The following ZNF888 variants were observed in gnomAD, a reference collection of about 807,000 sequenced individuals.
The protein encoded by ZNF888 is zinc finger protein 888.
Under a neutral mutation model 7.2 loss-of-function variants are expected in ZNF888, and 5 were observed. The observed-to-expected ratio is 0.70, with a 90% CI of 0.36 to 1.46. The LOEUF (loss-of-function observed/expected upper bound fraction) is 1.46, where lower values mean the gene tolerates loss of function less well. Among genes scored for constraint, ZNF888 ranks in the 40% most tolerant of loss-of-function variants. The pLI is 0.03. For synonymous variants in ZNF888, 240 were observed against 284.3 expected, an observed-to-expected ratio of 0.84 and a Z score of 1.57; for missense variants, 716 against 858.0, an observed-to-expected ratio of 0.83 and a Z score of 2.07.
chr19:52,912,490 C>G (rs1344616830), intron 4 of ZNF888, among the ~76,000 whole-genome samples: 5 of 145,954 alleles, frequency 3.4e-5, no homozygotes, highest in Admixed American at 7.0e-5. Context: ...TTTTGGGAGG[C>G]TGAGGTGGGA....
At chr19:52,915,453 C>T (rs7248531) in intron 3 of ZNF888, 131 bp from the exon 4 acceptor site, 309,672 of 1,589,466 alleles carry the variant, frequency 0.19, 29,398 homozygotes, top group Admixed American at 0.45. Flanking sequence ...GTAAGGGATT[C>T]TTCACCACAT....
chr19:52,912,467 A>C (rs1308985702), intron 4 of ZNF888, among the ~76,000 whole-genome samples: 1 of 150,262 alleles, frequency 6.7e-6, no homozygotes. Context: ...GTCTCATGCC[A>C]GTAATCCCAG....
rs1352689243 is a variant in ZNF888, at chr19:52,917,862, A to C, written c.12T>G (p.Pro4=). The C allele has an allele frequency of 6.2e-7, 1 of 1,613,252 alleles. No individual in the cohort carries two copies. The highest frequency in any genetic ancestry group is 8.5e-7 in the Non-Finnish European group (1 of 1,180,008). The change falls in exon 3 of 5, where the codon CCT becomes CCG. Residue 4 remains proline, a synonymous_variant. Transcript: ENST00000638862. ...TCCACAGAGAATATCATCTCACCTG[A>C]GGAAGAGCCATCCCTGACTCCTTTG... is the stretch of plus-strand genomic sequence containing the variant. MAL[P]QGLLTFRDVA...
chr19:52,921,184 G>A (rs894212339), intron 1 of ZNF888, among the ~76,000 whole-genome samples: 35 of 152,234 alleles, frequency 2.3e-4, no homozygotes, highest in African/African-American at 6.3e-4. Flanking sequence ...TGATATCTGG[G>A]AAAAGAGAAA....
At chr19:52,911,093 T>C (rs2064672249) in intron 4 of ZNF888, among the ~76,000 whole-genome samples, 1 of 152,088 alleles carries the variant, frequency 6.6e-6, no homozygotes, top group South Asian at 2.1e-4. Context: ...TGGCCAGGCT[T>C]GTCTCGAACT....
At chr19:52,917,721 G>A in intron 3 of ZNF888, 138 bp downstream of exon 3, 1 of 1,470,852 alleles carries the variant, frequency 6.8e-7, no homozygotes, top group South Asian at 1.1e-5. Flanking sequence ...GAGATGAGAG[G>A]GACTGAGGGA....
intron 3 of ZNF888, among the ~76,000 whole-genome samples, chr19:52,916,554 GTA>G (rs1447880991): frequency 6.8e-6 from 1 of 147,008 alleles, no homozygotes; most frequent in Admixed American, 6.8e-5. Context: ...GGGGATGTGT[GTA>G]TATATATTAT....
intron 4 of ZNF888, among the ~76,000 whole-genome samples, chr19:52,911,341 TC>T (rs1251455450): frequency 2.4e-5 from 3 of 122,752 alleles, no homozygotes; most frequent in African/African-American, 8.8e-5. Context: ...TGTTTTCTTT[TC>T]TTTTTTTTTT....
At position 52,907,952 on chromosome 19, in the gene ZNF888, G is replaced by A. The variant is rs1330734307; in HGVS notation, c.370C>T (p.Gln124Ter). 6.2e-7 allele frequency: 1 copy of A among 1,613,954 alleles called. No homozygotes were observed. Among genetic ancestry groups the A allele is most frequent in the Non-Finnish European group, 8.5e-7 (1 of 1,180,022 alleles). The change falls in exon 5 of 5, where the codon CAA (glutamine) becomes TAA (stop). Residue 124 changes from glutamine (Q) to a stop codon, truncating the protein, a stop_gained. Transcript: ENST00000638862. LOFTEE classifies it low-confidence loss of function (END_TRUNC). ...EIKELTGSTDQYDQRHAGNKP... is the reference protein window; with the variant it reads ...EIKELTGSTD ...TTTCCAGCATGCCTTTGATCATATT[G>A]GTCTGTACTACCCGTCAACTCTTTG...
Position 52,918,009 on chromosome 19 carries a change from C to A in ZNF888, c.-58-78G>T, listed in dbSNP as rs1482176615. ...AACATACCCCCTCCCTGTAAAACAA[C>A]GACACATACAAAGGAGACCTCACCC... is the stretch of plus-strand genomic sequence containing the variant. On this transcript the variant is annotated intron_variant, in intron 2 of 4. Coordinates refer to ENST00000638862, the MANE Select transcript of ZNF888 (RefSeq NM_001393938.1). 3 of 1,540,758 alleles carry A rather than the reference C, an allele frequency of 1.9e-6. No homozygotes were observed. The East Asian group carries it at 6.9e-5, about 35-fold the overall frequency.
chr19:52,906,019 T>C lies in ZNF888; in HGVS notation c.*146A>G. 1 of 1,209,150 alleles carries C rather than the reference T, an allele frequency of 8.3e-7. No homozygotes were observed. Among genetic ancestry groups the C allele is most frequent in the African/African-American group, 1.5e-5 (1 of 67,970 alleles). The allele number at this position is 1,209,150 out of a possible 1,614,324, so 74.9% of individuals were successfully genotyped here. ...ACATTTGTAAGGTTTCTCTCCAGTA[T>C]GAGTTCACCCATGAACTACAGCGTA... On this transcript the variant is annotated 3_prime_UTR_variant, in exon 5 of 5. Coordinates refer to ENST00000638862, the MANE Select transcript of ZNF888 (RefSeq NM_001393938.1).
At chr19:52,909,820 A>G (rs1441371886) in intron 4 of ZNF888, among the ~76,000 whole-genome samples, 2 of 152,096 alleles carry the variant, frequency 1.3e-5, no homozygotes, top group Non-Finnish European at 2.9e-5. Flanking sequence ...TAAGATCACT[A>G]CCTTCTAATA....
chr19:52,922,993 A>G (rs2064839976), intron 1 of ZNF888, among the ~76,000 whole-genome samples: 1 of 152,010 alleles, frequency 6.6e-6, no homozygotes, highest in Non-Finnish European at 1.5e-5. Context: ...CCTCCCTGGG[A>G]CTGTGGTGTC....
chr19:52,921,667 G>A, intron 1 of ZNF888: 1 of 984,644 alleles, frequency 1.0e-6, no homozygotes, highest in Non-Finnish European at 1.2e-6. Context: ...TAAACACACA[G>A]CTATTGACCT....
intron 2 of ZNF888, 181 bp from the exon 3 acceptor site, chr19:52,918,112 G>A: frequency 7.1e-7 from 1 of 1,400,380 alleles, no homozygotes; most frequent in Non-Finnish European, 9.3e-7. Context: ...CTCCCCTTCT[G>A]GAGAAGCCCA....
rs938729704 is a variant in ZNF888, at chr19:52,914,244, A to G, written c.142+952T>C. The G allele has an allele frequency of 2.5e-5, 14 of 552,476 alleles. No homozygotes were observed. In the African/African-American group the frequency reaches 2.6e-4, roughly 10 times the overall value. 34.2% of individuals were successfully genotyped at this position (552,476 alleles called of 1,614,324 possible). A position where few individuals can be genotyped will look rare whatever the true frequency, so the allele number is the denominator to read the frequency against. ...CCACTTGCAGAGAGTTTCCCCACAC[A>G]CTATTTGAAGGTGGAGCTTCCACTC... On this transcript the variant is annotated intron_variant, in intron 4 of 4. Transcript: ENST00000638862.
chr19:52,908,812 C>CT, intron 4 of ZNF888, among the ~76,000 whole-genome samples: 1 of 140,940 alleles, frequency 7.1e-6, no homozygotes. Flanking sequence ...CACCACTGCA[C>CT]CACAGCCTGG....
intron 1 of ZNF888, among the ~76,000 whole-genome samples, chr19:52,919,984 T>G (rs1391909256): frequency 5.7e-5 from 2 of 35,190 alleles, no homozygotes; most frequent in Admixed American, 3.3e-4. Flanking sequence ...GTCCGGGAGG[T>G]GAGGGGCGCC....
chr19:52,915,462 A>G lies in ZNF888; in HGVS notation c.16-140T>C, dbSNP rs867270158. 4 of 1,577,956 alleles carry G rather than the reference A, an allele frequency of 2.5e-6. No homozygotes were observed. In the Middle Eastern group the frequency reaches 5.2e-4, roughly 204 times the overall value. On this transcript the variant is annotated intron_variant, in intron 3 of 4. Coordinates refer to ENST00000638862, the MANE Select transcript of ZNF888 (RefSeq NM_001393938.1). Reference sequence around the variant, plus strand: ...ATCCGAGTAAGGGATTCTTCACCACATGATGTATTTTTTTTCTTCTTTTTC... The same window carrying G: ...ATCCGAGTAAGGGATTCTTCACCACGTGATGTATTTTTTTTCTTCTTTTTC...
Sources: allele counts gnomAD v4.1 joint callset (sites outside exome capture counted in the v4.1 genomes callset), GRCh38; gene constraint gnomAD v4.1.1; transcripts MANE v1.5; gene names NCBI Gene and HGNC (gene_info 2026-07-23, HGNC 2026-07-21).